SS18: variants seen among roughly 807,000 people sequenced by gnomAD.
The protein encoded by SS18 is protein SSXT.
A neutral mutation model predicts 72.5 loss-of-function variants in SS18; 28 were observed. The observed-to-expected ratio is 0.39, with a 90% CI of 0.29 to 0.53. SS18 has a LOEUF of 0.53. Ranked by LOEUF, SS18 falls within the 20% of genes least tolerant of loss-of-function variation. The pLI is 0.76. For synonymous variants in SS18, 172 were observed against 164.2 expected (o/e 1.05, Z -0.37); for missense variants, 518 against 535.3 (o/e 0.97, Z 0.32).
chr18:26,040,742 C>T (rs570027433), intron 5 of SS18, among the ~76,000 whole-genome samples: 4 of 152,288 alleles, frequency 2.6e-5, no homozygotes, highest in Admixed American at 1.3e-4. Flanking sequence ...ATTTGCCTTC[C>T]GTGCTTCTGT....
At chr18:26,036,021 A>G in intron 7 of SS18, 98 bp from the exon 8 acceptor site, 1 of 787,774 alleles carries the variant, frequency 1.3e-6, no homozygotes, top group South Asian at 1.7e-5. Flanking sequence ...AAAAAAAAGA[A>G]AAAGAAATGG....
At chr18:26,090,198 C>T (rs2054696323) in intron 1 of SS18, 1 of 438,128 alleles carries the variant, frequency 2.3e-6, no homozygotes, top group Non-Finnish European at 4.0e-6. Context: ...CGGCCGCCGC[C>T]GGGCGCACGC....
chr18:26,075,510 G>T (rs527337992), intron 3 of SS18, among the ~76,000 whole-genome samples: 1 of 151,870 alleles, frequency 6.6e-6, no homozygotes, highest in Non-Finnish European at 1.5e-5. Flanking sequence ...TGCAATAAAA[G>T]TACTTGATAA....
chr18:26,064,152 C>T (rs1207537474), intron 3 of SS18, among the ~76,000 whole-genome samples: 1 of 152,076 alleles, frequency 6.6e-6, no homozygotes, highest in East Asian at 1.9e-4. Flanking sequence ...GAAACTGAAT[C>T]CATCATTTAA....
chr18:26,073,029 C>T (rs1012871957), intron 3 of SS18, among the ~76,000 whole-genome samples: 1 of 151,980 alleles, frequency 6.6e-6, no homozygotes, highest in African/African-American at 2.4e-5. Flanking sequence ...CTCTCAGTGG[C>T]TAAACAATAC....
chr18:26,040,516 C>T (rs776343502), intron 5 of SS18, among the ~76,000 whole-genome samples: 1 of 152,132 alleles, frequency 6.6e-6, no homozygotes, highest in Non-Finnish European at 1.5e-5. Flanking sequence ...TACTAGACAG[C>T]CTGGAAAGGT....
intron 10 of SS18, chr18:26,023,538 A>C (rs2053390048): frequency 4.2e-6 from 2 of 471,478 alleles, no homozygotes; most frequent in South Asian, 3.8e-5. Context: ...GATAAATGAC[A>C]GCAAATGTCT....
chr18:26,090,702 C>A, upstream of SS18: 1 of 941,352 alleles, frequency 1.1e-6, no homozygotes, highest in South Asian at 1.5e-5. Context: ...GCCAAGCGGA[C>A]GGGCGGCGGG....
rs1555643837 is a variant in SS18 at position 26,027,703 on chromosome 18, A to AAAAACAGAC, written c.1230+4695_1230+4696insGTCTGTTTT. The stretch of plus-strand genomic sequence containing the variant: ...AAAAAAAAAAAAAAAAAAAAAAAAA[A>AAAAACAGAC]AGTCTTTTCAACAAATGACTCTGAG... On this transcript the variant is annotated intron_variant, in intron 10 of 10. Coordinates refer to ENST00000415083, the MANE Select transcript of SS18 (RefSeq NM_001007559.3). Among the ~76,000 whole-genome samples, 2 of 124,698 alleles carry AAAAACAGAC rather than the reference A, an allele frequency of 1.6e-5. 1 individual carries two copies. The highest frequency in any genetic ancestry group is 7.1e-5 in the African/African-American group (2 of 28,006). 81.8% of individuals were successfully genotyped at this position (124,698 alleles called of 152,430 possible).
chr18:26,088,801 G>C (rs1434113535), intron 1 of SS18, among the ~76,000 whole-genome samples: 1 of 151,880 alleles, frequency 6.6e-6, no homozygotes, highest in Non-Finnish European at 1.5e-5. Flanking sequence ...CCATAATCAC[G>C]CAATCTAAAT....
intron 3 of SS18, among the ~76,000 whole-genome samples, chr18:26,077,711 G>A (rs1356169603): frequency 1.3e-5 from 2 of 152,166 alleles, no homozygotes; most frequent in Non-Finnish European, 2.9e-5. Flanking sequence ...AGTTGGGTAT[G>A]AGAATAGTCC....
intron 10 of SS18, among the ~76,000 whole-genome samples, chr18:26,020,645 G>A (rs764685325): frequency 6.6e-6 from 1 of 152,148 alleles, no homozygotes; most frequent in Non-Finnish European, 1.5e-5. Context: ...GGAAAACAGA[G>A]AAGACTCAGA....
chr18:26,041,561 A>C (rs2143902047), intron 5 of SS18, among the ~76,000 whole-genome samples: 1 of 152,330 alleles, frequency 6.6e-6, no homozygotes, highest in African/African-American at 2.4e-5. Context: ...AAACTATTAA[A>C]CACTAACATT....
chr18:26,043,904 A>G (rs1262167404), intron 5 of SS18, among the ~76,000 whole-genome samples: 2 of 152,232 alleles, frequency 1.3e-5, no homozygotes, highest in Non-Finnish European at 2.9e-5. Flanking sequence ...AAAAGTTTTA[A>G]AAGGTATTAA....
chr18:26,043,992 T>C (rs1463734902), intron 5 of SS18, among the ~76,000 whole-genome samples: 20 of 152,340 alleles, frequency 1.3e-4, no homozygotes. Context: ...CAGTTATTCA[T>C]ACTAACCATT....
chr18:26,061,802 T>C (rs888855602), intron 3 of SS18, among the ~76,000 whole-genome samples: 3 of 152,040 alleles, frequency 2.0e-5, no homozygotes, highest in Admixed American at 2.0e-4. Flanking sequence ...TATATCAAGC[T>C]AAAAGAAAAT....
chr18:26,023,840 AT>A (rs34038435), intron 10 of SS18, among the ~76,000 whole-genome samples: 29,020 of 151,664 alleles, frequency 0.19, 5,689 homozygotes, highest in African/African-American at 0.49. Context: ...CAATTTAAAA[AT>A]TTTTTTTTCC....
intron 9 of SS18, among the ~76,000 whole-genome samples, chr18:26,033,387 G>A (rs369430364): frequency 6.6e-6 from 1 of 151,850 alleles, no homozygotes; most frequent in Non-Finnish European, 1.5e-5. Context: ...GGTAGCATGC[G>A]ACTGTAATCC....
At chr18:26,040,453 A>ACTC (rs1392233591) in intron 5 of SS18, among the ~76,000 whole-genome samples, 1 of 151,590 alleles carries the variant, frequency 6.6e-6, no homozygotes, top group Non-Finnish European at 1.5e-5. Context: ...ATAGCTACAT[A>ACTC]CTCCTCCTCC....
Sources: gnomAD v4.1 joint callset for allele counts (sites outside exome capture counted in the v4.1 genomes callset) on GRCh38, gnomAD v4.1.1 for gene constraint, MANE v1.5 for transcripts, NCBI Gene and HGNC (gene_info 2026-07-23, HGNC 2026-07-21) for gene names.